ATP6V0A4: variants seen among roughly 807,000 people sequenced by gnomAD.
ATP6V0A4 encodes ATPase H+ transporting V0 subunit a4, also known as V-type proton ATPase 116 kDa subunit a 4.
In ATP6V0A4, 86 loss-of-function variants were observed where a neutral mutation model predicts 107.3. The observed-to-expected ratio is 0.80, with a 90% CI of 0.67 to 0.96. ATP6V0A4 has a LOEUF of 0.96. Among genes scored for constraint, ATP6V0A4 ranks in the 40% least tolerant of loss-of-function variants. The pLI is 0.00. For synonymous variants in ATP6V0A4, 353 were observed against 381.4 expected (o/e 0.93, Z 0.87); for missense variants, 908 against 1,045.6 (o/e 0.87, Z 1.81).
chr7:138,763,061 A>C (rs767410010), intron 5 of ATP6V0A4, 36 bp from the exon 6 acceptor site: 2 of 1,612,498 alleles, frequency 1.2e-6, no homozygotes, highest in Admixed American at 3.4e-5. Flanking sequence ...AGCCAACAGA[A>C]AGTGCTATGA....
intron 1 of ATP6V0A4, among the ~76,000 whole-genome samples, chr7:138,790,307 T>TAGATAGAG (rs1385335228): frequency 6.6e-6 from 1 of 152,234 alleles, no homozygotes; most frequent in Non-Finnish European, 1.5e-5. Context: ...TGCTGTTGTT[T>TAGATAGAG]TTTTGAGATA....
chr7:138,797,892 G>A, intron 1 of ATP6V0A4, 142 bp downstream of exon 1: 2 of 1,224,808 alleles, frequency 1.6e-6, no homozygotes, highest in South Asian at 1.4e-5. Context: ...CAACGGTTTG[G>A]CTTCCCTTCT....
At chr7:138,761,482 A>G (rs889007623) in intron 7 of ATP6V0A4, among the ~76,000 whole-genome samples, 2 of 151,928 alleles carry the variant, frequency 1.3e-5, no homozygotes, top group African/African-American at 4.8e-5. Context: ...AAAACACAAA[A>G]AAATTAGCCG....
intron 21 of ATP6V0A4, among the ~76,000 whole-genome samples, chr7:138,707,308 A>T (rs1246251075): frequency 3.8e-5 from 3 of 79,500 alleles, no homozygotes; most frequent in African/African-American, 1.6e-4. Context: ...ATATATTTAT[A>T]TTTATTTATA....
intron 5 of ATP6V0A4, among the ~76,000 whole-genome samples, chr7:138,765,438 C>T (rs1301296213): frequency 6.6e-6 from 1 of 152,148 alleles, no homozygotes; most frequent in East Asian, 1.9e-4. Context: ...AAAAGTATAG[C>T]TGCATGAGAA....
chr7:138,734,042 A>G, intron 16 of ATP6V0A4, 94 bp downstream of exon 16: 1 of 1,406,856 alleles, frequency 7.1e-7, no homozygotes, highest in Non-Finnish European at 1.0e-6. Context: ...GAAAACTTGC[A>G]CAGAGAGATG....
chr7:138,745,957 A>ATATATATATATATATATATATATATAT (rs1477408393), intron 13 of ATP6V0A4, among the ~76,000 whole-genome samples: 1 of 86,468 alleles, frequency 1.2e-5, no homozygotes, highest in Non-Finnish European at 2.1e-5. Flanking sequence ...AAAAAAAAAA[A>ATATATATATATATATATATATATATAT]AAAAAATATA....
intron 2 of ATP6V0A4, among the ~76,000 whole-genome samples, chr7:138,782,526 C>A (rs1372536964): frequency 6.6e-6 from 1 of 152,154 alleles, no homozygotes; most frequent in Non-Finnish European, 1.5e-5. Flanking sequence ...AGTGGAGGTC[C>A]AAGCCTGAAT....
intron 1 of ATP6V0A4, among the ~76,000 whole-genome samples, chr7:138,792,702 A>T (rs940749900): frequency 2.0e-5 from 3 of 151,712 alleles, no homozygotes; most frequent in Non-Finnish European, 4.4e-5. Context: ...GGGCTCAAGC[A>T]ATCCTCCTAT....
chr7:138,733,100 G>T lies in ATP6V0A4; in HGVS notation c.1692-7C>A, dbSNP rs1285490313. ...GAGAGTTCTTCTGAAGTATCTGGGG[G>T]TGGAAGACACACACATACACAAGAT... is the stretch of plus-strand genomic sequence containing the variant. On this transcript the variant is annotated splice_polypyrimidine_tract_variant and splice_region_variant and intron_variant, in intron 16 of 21. Coordinates refer to ENST00000310018, the MANE Select transcript of ATP6V0A4 (RefSeq NM_020632.3). 4 of 1,613,952 alleles carry T rather than the reference G, an allele frequency of 2.5e-6. No individual in the cohort carries two copies. Among genetic ancestry groups the T allele is most frequent in the Admixed American group, 1.7e-5 (1 of 59,994 alleles).
intron 13 of ATP6V0A4, among the ~76,000 whole-genome samples, chr7:138,745,658 C>CAA (rs566336992): frequency 1.2e-4 from 5 of 42,758 alleles, no homozygotes; most frequent in South Asian, 9.1e-4. Context: ...GCCTGTGTCT[C>CAA]AAAAAAAAAA....
At chr7:138,732,563 G>A (rs903722497) in intron 17 of ATP6V0A4, among the ~76,000 whole-genome samples, 1 of 152,084 alleles carries the variant, frequency 6.6e-6, no homozygotes, top group African/African-American at 2.4e-5. Flanking sequence ...CGAGGCCAAA[G>A]CAGGTAGATT....
chr7:138,728,429 G>T (rs146506893), intron 18 of ATP6V0A4, among the ~76,000 whole-genome samples: 51 of 152,066 alleles, frequency 3.4e-4, no homozygotes, highest in African/African-American at 1.0e-3. Context: ...GTTTCGCCAC[G>T]TTAGCCAGGC....
At chr7:138,741,290 C>G (rs2117261133) in intron 14 of ATP6V0A4, among the ~76,000 whole-genome samples, 1 of 152,306 alleles carries the variant, frequency 6.6e-6, no homozygotes, top group East Asian at 1.9e-4. Flanking sequence ...AATCGGGAAG[C>G]CTGGCCTACT....
intron 7 of ATP6V0A4, among the ~76,000 whole-genome samples, chr7:138,761,053 T>A (rs188713295): frequency 6.6e-6 from 1 of 152,186 alleles, no homozygotes; most frequent in African/African-American, 2.4e-5. Context: ...CCTCAAGTGA[T>A]CCTCCTGCCT....
chr7:138,730,205 A>G (rs1455110792), intron 17 of ATP6V0A4, among the ~76,000 whole-genome samples: 2 of 152,280 alleles, frequency 1.3e-5, no homozygotes, highest in African/African-American at 4.8e-5. Flanking sequence ...TTAAATGTCC[A>G]AAAGAGGAAG....
rs1270677335 is a variant in ATP6V0A4, at chr7:138,777,629, A to C, written c.-17-6365T>G. Among the ~76,000 whole-genome samples, 1,136 of 133,014 alleles carry C rather than the reference A, an allele frequency of 8.5e-3. 18 individuals are homozygous for C. The highest frequency in any genetic ancestry group is 0.042 in the African/African-American group (1,084 of 25,620). 87.3% of individuals were successfully genotyped at this position (133,014 alleles called of 152,430 possible). On this transcript the variant is annotated intron_variant, in intron 2 of 21. Transcript: ENST00000310018. ...AAACTCCGTCTCAAAAAAAAAAAAA[A>C]AAATACACACACACACACACACACA... is the stretch of plus-strand genomic sequence containing the variant.
intron 14 of ATP6V0A4, among the ~76,000 whole-genome samples, chr7:138,742,335 G>C (rs190016699): frequency 1.9e-3 from 296 of 152,242 alleles, no homozygotes; most frequent in African/African-American, 6.8e-3. Flanking sequence ...GCTGAGGCAG[G>C]AGAATCGCTA....
Position 138,773,163 on chromosome 7 carries a change from C to G in ATP6V0A4, c.-17-1899G>C, listed in dbSNP as rs1807482241. On this transcript the variant is annotated intron_variant, in intron 2 of 21. Coordinates refer to ENST00000310018, the MANE Select transcript of ATP6V0A4 (RefSeq NM_020632.3). The surrounding 1 kb of genome is among the most constrained non-coding windows in gnomAD (Gnocchi z 5.4). ...CCATTGTCCCAGTTTCACACAGGAC[C>G]AACTCTAAAGTCCTCGAGCTGGCCA... Among the ~76,000 whole-genome samples, 1 of 152,134 alleles carries G rather than the reference C, an allele frequency of 6.6e-6. No homozygotes were observed. Among genetic ancestry groups the G allele is most frequent in the African/African-American group, 2.4e-5 (1 of 41,432 alleles).
Sources: allele counts gnomAD v4.1 joint callset (sites outside exome capture counted in the v4.1 genomes callset), GRCh38; gene constraint gnomAD v4.1.1; non-coding constraint Gnocchi (gnomAD v3.1); transcripts MANE v1.5; gene names NCBI Gene and HGNC (gene_info 2026-07-23, HGNC 2026-07-21).